The following LRRC56 variants were observed in gnomAD, a reference collection of about 807,000 sequenced individuals.
LRRC56 encodes leucine rich repeat containing 56, also known as leucine-rich repeat-containing protein 56.
Under a neutral mutation model 47.8 loss-of-function variants are expected in LRRC56, and 41 were observed. That is an observed-to-expected ratio of 0.86 (90% CI 0.67 to 1.11). The LOEUF is 1.11. Ranked by LOEUF, LRRC56 falls within the 50% of genes most tolerant of loss-of-function variation. The probability of loss-of-function intolerance (pLI) is 0.00; values close to 1 mark genes in which losing one functional copy is unlikely to be tolerated. For missense variants in LRRC56, 759 were observed against 704.2 expected, an observed-to-expected ratio of 1.08 and a Z score of -0.88; for synonymous variants, 387 against 311.2, an observed-to-expected ratio of 1.24 and a Z score of -2.56.
the LRRC56 span, chr11:529,368 G>A: frequency 1.3e-5 from 2 of 152,472 alleles, no homozygotes; most frequent in African/African-American, 4.8e-5. Context: ...GTGATCCTCA[G>A]TTCAGGTTTT....
the LRRC56 span, among the ~76,000 whole-genome samples, chr11:516,604 G>A: frequency 5.3e-5 from 8 of 152,094 alleles, no homozygotes; most frequent in Admixed American, 1.3e-4. Flanking sequence ...GGTTCAACAT[G>A]AAATATGAGC....
chr11:543,964 G>T (rs973810577), intron 5 of LRRC56, among the ~76,000 whole-genome samples: 1 of 152,046 alleles, frequency 6.6e-6, no homozygotes, highest in Admixed American at 6.5e-5. Flanking sequence ...TAACCAGGAT[G>T]GTCTCGATCT....
chr11:519,405 C>T, the LRRC56 span, among the ~76,000 whole-genome samples: 43 of 21,466 alleles, frequency 2.0e-3, 1 homozygote, highest in African/African-American at 9.4e-3. Flanking sequence ...TATTAGAACG[C>T]GGGCTGATAC....
At chr11:545,940 C>T (rs1303395843) in intron 6 of LRRC56, among the ~76,000 whole-genome samples, 2 of 152,170 alleles carry the variant, frequency 1.3e-5, no homozygotes, top group East Asian at 1.9e-4. Context: ...TGAATGTTTT[C>T]TTGATTTTCC....
intron 1 of LRRC56, among the ~76,000 whole-genome samples, chr11:538,058 G>A (rs1241549821): frequency 6.6e-6 from 1 of 152,186 alleles, no homozygotes; most frequent in Non-Finnish European, 1.5e-5. Flanking sequence ...TTGCAGAGGG[G>A]ACACAGGGTG....
At chr11:533,796 G>C (rs1851272986), upstream of LRRC56, 1 of 1,613,288 alleles carries the variant, frequency 6.2e-7, no homozygotes, top group African/African-American at 1.3e-5. Flanking sequence ...AAAAGACTTG[G>C]TGTTGTTGAT....
chr11:530,491 G>A, the LRRC56 span, among the ~76,000 whole-genome samples: 2 of 141,882 alleles, frequency 1.4e-5, no homozygotes, highest in African/African-American at 5.4e-5. Context: ...GGCGTCCCCT[G>A]GAGAGAAGGG....
At chr11:520,589 C>T in the LRRC56 span, among the ~76,000 whole-genome samples, 1 of 152,208 alleles carries the variant, frequency 6.6e-6, no homozygotes, top group African/African-American at 2.4e-5. Context: ...AAAGTCCTGG[C>T]GTTACAGGCA....
In LRRC56 at chr11:541,774, G is replaced by C. The variant is rs1851807703; in HGVS notation, c.265+150G>C. ...GGTTGGCCTCTGACCTGAGGTCTGT[G>C]TCAGGTACAGGCAGAGGGCAATGCA... is the stretch of plus-strand genomic sequence containing the variant. On this transcript the variant is annotated intron_variant, in intron 5 of 13. Transcript: ENST00000270115. This position sits in a 1 kb window ranked among gnomAD's most constrained non-coding sequence, Gnocchi z 4.1. 1 of 540,388 alleles carries C rather than the reference G, an allele frequency of 1.9e-6. No individual in the cohort carries two copies. Among genetic ancestry groups the C allele is most frequent in the Admixed American group, 3.7e-5 (1 of 26,790 alleles). The allele number at this position is 540,388 out of a possible 1,614,324, so 33.5% of individuals were successfully genotyped here.
In LRRC56 at chr11:550,290, C is replaced by A. The variant is rs764328446; in HGVS notation, c.624+18C>A. 33 of 1,521,676 alleles carry A rather than the reference C, an allele frequency of 2.2e-5. No homozygotes were observed. The South Asian group carries it at 4.0e-4, about 18-fold the overall frequency. 94.3% of individuals were successfully genotyped at this position (1,521,676 alleles called of 1,614,324 possible). On this transcript the variant is annotated intron_variant, in intron 8 of 13. Transcript: ENST00000270115. Reference sequence around the variant, plus strand: ...CCAACAAGGTGCGTGTCCCGGGCACCCGGCCAGCATGTGCATGGCCAGGAG... The same window carrying A: ...CCAACAAGGTGCGTGTCCCGGGCACACGGCCAGCATGTGCATGGCCAGGAG...
chr11:550,553 C>T (rs1852330808), intron 8 of LRRC56, among the ~76,000 whole-genome samples: 2 of 152,188 alleles, frequency 1.3e-5, no homozygotes, highest in South Asian at 4.1e-4. Context: ...CGTGGAAACA[C>T]AAAGAACCAC....
rs1387898009 is a variant in LRRC56, at chr11:553,973, G to T, written c.1326G>T (p.Gly442=). ...CTGCTTGCTTTCTAGAGCCCTCCGGGACCTCGAGCCAGCACCTGGTCCCTT... is the reference window on the plus strand; with the variant it reads ...CTGCTTGCTTTCTAGAGCCCTCCGGTACCTCGAGCCAGCACCTGGTCCCTT... ...SPPSLASEPS[G]TSSQHLVPSP... The change falls in exon 14 of 14, where the codon GGG becomes GGT. Residue 442 remains glycine, a synonymous_variant. Transcript: ENST00000270115. The T allele has an allele frequency of 2.5e-6, 4 of 1,611,560 alleles. No homozygotes were observed. Among genetic ancestry groups the T allele is most frequent in the Non-Finnish European group, 3.4e-6 (4 of 1,179,494 alleles).
intron 5 of LRRC56, among the ~76,000 whole-genome samples, chr11:543,737 A>T (rs773607557): frequency 1.9e-4 from 28 of 149,140 alleles, no homozygotes; most frequent in Non-Finnish European, 3.4e-4. Context: ...GTACCCACAC[A>T]CTCTGCGCCC....
chr11:519,201 C>T, the LRRC56 span, among the ~76,000 whole-genome samples: 23 of 152,358 alleles, frequency 1.5e-4, no homozygotes, highest in East Asian at 4.2e-3. Context: ...CTGAGCCGCG[C>T]GCATTCCTTA....
the LRRC56 span, among the ~76,000 whole-genome samples, chr11:517,711 A>T: frequency 1.3e-5 from 2 of 152,176 alleles, no homozygotes; most frequent in African/African-American, 4.8e-5. Flanking sequence ...TGACAGTGGC[A>T]GTTTTGTCAA....
At chr11:518,897 C>T in the LRRC56 span, among the ~76,000 whole-genome samples, 2 of 124,506 alleles carry the variant, frequency 1.6e-5, no homozygotes, top group African/African-American at 3.4e-5. Context: ...TCTGAGGGAC[C>T]GGGGCGGGGG....
At chr11:518,792 G>A in the LRRC56 span, among the ~76,000 whole-genome samples, 8 of 152,046 alleles carry the variant, frequency 5.3e-5, no homozygotes, top group African/African-American at 1.9e-4. Flanking sequence ...GAGGACTCGC[G>A]GCGCCCCCTC....
At chr11:538,097 G>A (rs559793245) in intron 1 of LRRC56, among the ~76,000 whole-genome samples, 23 of 152,300 alleles carry the variant, frequency 1.5e-4, no homozygotes, top group African/African-American at 5.3e-4. Flanking sequence ...GTGTGGATGG[G>A]TTCAGGCCTG....
the LRRC56 span, among the ~76,000 whole-genome samples, chr11:517,806 C>T: frequency 6.6e-6 from 1 of 152,182 alleles, no homozygotes; most frequent in Admixed American, 6.5e-5. Context: ...ATAGGAGACT[C>T]CGTTTTGTTC....
Sources: gnomAD v4.1 joint callset for allele counts (sites outside exome capture counted in the v4.1 genomes callset) on GRCh38, gnomAD v4.1.1 for gene constraint, Gnocchi (gnomAD v3.1) non-coding constraint, MANE v1.5 for transcripts, NCBI Gene and HGNC (gene_info 2026-07-23, HGNC 2026-07-21) for gene names.